The following GPC6 variants were observed in gnomAD, a reference collection of about 807,000 sequenced individuals.
GPC6 encodes glypican 6.
GPC6 carries 14 observed loss-of-function variants against 55.2 expected under a neutral mutation model. The observed-to-expected ratio is 0.25, with a 90% CI of 0.17 to 0.40. GPC6 has a LOEUF of 0.40. Among genes scored for constraint, GPC6 ranks in the 10% least tolerant of loss-of-function variants. GPC6 has a pLI of 1.00. For missense variants in GPC6, 641 were observed against 708.5 expected, an observed-to-expected ratio of 0.90 and a Z score of 1.08; for synonymous variants, 278 against 259.6, an observed-to-expected ratio of 1.07 and a Z score of -0.68.
intron 1 of GPC6, among the ~76,000 whole-genome samples, chr13:93,432,353 G>C: frequency 6.6e-6 from 1 of 152,096 alleles, no homozygotes; most frequent in Non-Finnish European, 1.5e-5. Flanking sequence ...GAAATGTATT[G>C]GCAGCATGGC....
intron 1 of GPC6, among the ~76,000 whole-genome samples, chr13:93,512,957 C>T (rs1050408217): frequency 6.6e-6 from 1 of 152,172 alleles, no homozygotes; most frequent in Non-Finnish European, 1.5e-5. Context: ...AAGGCTACTA[C>T]AGTGCAAGGT....
At chr13:94,066,750 A>G (rs1884530745) in intron 4 of GPC6, among the ~76,000 whole-genome samples, 1 of 152,200 alleles carries the variant, frequency 6.6e-6, no homozygotes, top group South Asian at 2.1e-4. Flanking sequence ...ACAGGTGAAT[A>G]TGACACATCC....
At chr13:93,581,096 A>G (rs1876915160) in intron 2 of GPC6, among the ~76,000 whole-genome samples, 2 of 152,180 alleles carry the variant, frequency 1.3e-5, no homozygotes, top group Non-Finnish European at 1.5e-5. Flanking sequence ...TTTCACTTCT[A>G]AAAGACATTT....
At chr13:93,843,044 A>G (rs1238424665) in intron 3 of GPC6, among the ~76,000 whole-genome samples, 2 of 150,710 alleles carry the variant, frequency 1.3e-5, no homozygotes, top group African/African-American at 4.9e-5. Context: ...TTATTATTTT[A>G]ACATCACATG....
chr13:93,664,261 C>T (rs1477722030), intron 2 of GPC6, among the ~76,000 whole-genome samples: 1 of 152,096 alleles, frequency 6.6e-6, no homozygotes. Context: ...ATTATTCAGC[C>T]ATGTAAACTG....
intron 1 of GPC6, among the ~76,000 whole-genome samples, chr13:93,481,990 A>G (rs1475797049): frequency 6.6e-6 from 1 of 152,058 alleles, no homozygotes; most frequent in East Asian, 1.9e-4. Flanking sequence ...CAATCTTTGG[A>G]TCAATTTTGG....
chr13:93,901,135 C>T (rs917109340), intron 3 of GPC6, among the ~76,000 whole-genome samples: 8 of 152,094 alleles, frequency 5.3e-5, no homozygotes, highest in Non-Finnish European at 8.8e-5. Context: ...ACTAAATGTC[C>T]AGCAAAGACT....
chr13:93,435,233 G>C (rs1877523851), intron 1 of GPC6, among the ~76,000 whole-genome samples: 1 of 151,990 alleles, frequency 6.6e-6, no homozygotes, highest in South Asian at 2.1e-4. Context: ...TCCTGCCTCA[G>C]CCTCCTGAGT....
At chr13:93,302,476 TG>T (rs1878714622) in intron 1 of GPC6, among the ~76,000 whole-genome samples, 1 of 152,222 alleles carries the variant, frequency 6.6e-6, no homozygotes, top group South Asian at 2.1e-4. Flanking sequence ...TATGCAGCAA[TG>T]TCATTTAAAT....
intron 2 of GPC6, among the ~76,000 whole-genome samples, chr13:93,787,897 T>G (rs1885864499): frequency 6.6e-6 from 1 of 152,148 alleles, no homozygotes; most frequent in South Asian, 2.1e-4. Flanking sequence ...TTGTCCCAAC[T>G]CAAGTTATGA....
rs1017688373 is a variant in GPC6 at position 93,400,475 on chromosome 13, G to C, written c.161-144788G>C. ...GAAGGGTAGTGGCGGGGACAGGGTG[G>C]GGGGAGGTGGGGATGGTTAATGGAT... On this transcript the variant is annotated intron_variant, in intron 1 of 8. Coordinates refer to ENST00000377047, the MANE Select transcript of GPC6 (RefSeq NM_005708.5). Among the ~76,000 whole-genome samples the C allele has an allele frequency of 2.3e-4, 18 of 79,716 alleles. No homozygotes were observed. The Middle Eastern group carries it at 0.025, about 112-fold the overall frequency. The allele number at this position is 79,716 out of a possible 152,430, so 52.3% of individuals were successfully genotyped here.
intron 1 of GPC6, among the ~76,000 whole-genome samples, chr13:93,409,464 C>T (rs1876414805): frequency 6.6e-6 from 1 of 152,108 alleles, no homozygotes; most frequent in Non-Finnish European, 1.5e-5. Flanking sequence ...CACTTCCTCG[C>T]TCTTGGACTT....
At chr13:93,739,684 G>C (rs7323475) in intron 2 of GPC6, among the ~76,000 whole-genome samples, 139,754 of 152,134 alleles carry the variant, frequency 0.92, 64,331 homozygotes, top group Admixed American at 0.96. Flanking sequence ...CCGCCTCCAC[G>C]TCCCAAAGTG....
Position 94,323,619 on chromosome 13 carries a change from G to A in GPC6, c.1152+17496G>A, listed in dbSNP as rs528654634. Among the ~76,000 whole-genome samples, 6 of 152,170 alleles carry A rather than the reference G, an allele frequency of 3.9e-5. No individual in the cohort carries two copies. In the South Asian group the frequency reaches 1.0e-3, roughly 26 times the overall value. On this transcript the variant is annotated intron_variant, in intron 6 of 8. Coordinates refer to ENST00000377047, the MANE Select transcript of GPC6 (RefSeq NM_005708.5). ...AGGGTGGGAGGGTGCCAAGAGATGA[G>A]AATATAATGGGTGCAATACAATGTA... is the stretch of plus-strand genomic sequence containing the variant.
chr13:93,628,555 T>C (rs1189671955), intron 2 of GPC6, among the ~76,000 whole-genome samples: 2 of 152,096 alleles, frequency 1.3e-5, no homozygotes, highest in Non-Finnish European at 2.9e-5. Context: ...TCACTGAGAT[T>C]GGGTTGTACA....
At chr13:93,656,204 T>C (rs934738589) in intron 2 of GPC6, among the ~76,000 whole-genome samples, 3 of 152,108 alleles carry the variant, frequency 2.0e-5, no homozygotes, top group African/African-American at 7.2e-5. Context: ...TGTGAAGATA[T>C]ACAAAAAGAA....
intron 2 of GPC6, among the ~76,000 whole-genome samples, chr13:93,625,802 A>G (rs1879176479): frequency 6.6e-6 from 1 of 152,090 alleles, no homozygotes; most frequent in Non-Finnish European, 1.5e-5. Context: ...ATTCTAGACT[A>G]CTCTTTGGAG....
At chr13:93,634,295 G>A (rs1340717547) in intron 2 of GPC6, among the ~76,000 whole-genome samples, 12 of 152,096 alleles carry the variant, frequency 7.9e-5, no homozygotes, top group African/African-American at 1.4e-4. Flanking sequence ...CATTAGTGAC[G>A]CCTTATGCAT....
chr13:93,461,472 A>G (rs778119304), intron 1 of GPC6, among the ~76,000 whole-genome samples: 4 of 152,200 alleles, frequency 2.6e-5, no homozygotes, highest in Non-Finnish European at 5.9e-5. Context: ...AAATAACTTT[A>G]CAATTCACTG....
Sources: gnomAD v4.1 joint callset for allele counts (sites outside exome capture counted in the v4.1 genomes callset) on GRCh38, gnomAD v4.1.1 for gene constraint, MANE v1.5 for transcripts, NCBI Gene and HGNC (gene_info 2026-07-23, HGNC 2026-07-21) for gene names.